Variants in LETM1 observed in about 807,000 individuals in gnomAD.
LETM1 encodes the protein mitochondrial proton/calcium exchanger protein.
LETM1 carries 50 observed loss-of-function variants against 74.5 expected under a neutral mutation model. The observed-to-expected ratio is 0.67, with a 90% CI of 0.53 to 0.85. The LOEUF is 0.85. LETM1 is among the 40% of genes least tolerant of loss of function. The pLI is 0.00. For synonymous variants in LETM1, 446 were observed against 407.1 expected, an observed-to-expected ratio of 1.10 and a Z score of -1.15; for missense variants, 824 against 967.8, an observed-to-expected ratio of 0.85 and a Z score of 1.97.
At chr4:1,847,938 G>A (rs1360116676) in intron 2 of LETM1, among the ~76,000 whole-genome samples, 1 of 151,496 alleles carries the variant, frequency 6.6e-6, no homozygotes, top group East Asian at 1.9e-4. Context: ...GGAGATTGCA[G>A]TGGGCAGAGA....
At chr4:1,819,685 A>G (rs1577310339) in intron 10 of LETM1, among the ~76,000 whole-genome samples, 1 of 152,090 alleles carries the variant, frequency 6.6e-6, no homozygotes, top group Non-Finnish European at 1.5e-5. Context: ...GCCAAACCCC[A>G]TTTGTTTAAA....
intron 6 of LETM1, among the ~76,000 whole-genome samples, chr4:1,828,039 A>AG (rs1384943233): frequency 2.3e-4 from 25 of 110,178 alleles, no homozygotes; most frequent in Non-Finnish European, 3.2e-4. Flanking sequence ...CTGGCCGGGC[A>AG]GGGGGGCTGA....
Position 1,841,768 on chromosome 4 carries a change from A to T in LETM1, c.173T>A (p.Ile58Asn). The T allele has an allele frequency of 6.2e-7, 1 of 1,613,636 alleles. No individual in the cohort carries two copies. Among genetic ancestry groups the T allele is most frequent in the Non-Finnish European group, 8.5e-7 (1 of 1,179,936 alleles). Residue 58 changes from isoleucine to asparagine, a missense_variant, in exon 3 of 14, where the codon ATC (isoleucine) becomes AAC (asparagine). Physicochemically the swap from Ile to Asn is moderately radical, Grantham distance 149. This residue lies in a region of LETM1 where 222 missense variants were observed against 195.6 expected (regional missense o/e 1.14). Coordinates refer to ENST00000302787, the MANE Select transcript of LETM1 (RefSeq NM_012318.3). ...TCTGGAGGATGTGTACACAGGGTGG[A>T]TGGGAGTGCAGCAGCCAAATGGAAC... ...LNVPFGCCTP[I>N]HPVYTSSRGD...
chr4:1,825,545 C>G lies in LETM1; in HGVS notation c.1200+19G>C, dbSNP rs1232987098. 7 of 1,598,018 alleles carry G rather than the reference C, an allele frequency of 4.4e-6. No individual in the cohort carries two copies. The highest frequency in any genetic ancestry group is 5.1e-6 in the Non-Finnish European group (6 of 1,167,504). ...CCTTGAGCCCGTGCCGGCCTGGCACCAGGCCAATATTCACGCACCTGCTTC... is the reference window on the plus strand; with the variant it reads ...CCTTGAGCCCGTGCCGGCCTGGCACGAGGCCAATATTCACGCACCTGCTTC... On this transcript the variant is annotated intron_variant, in intron 7 of 13. Transcript: ENST00000302787.
intron 2 of LETM1, chr4:1,843,244 C>A (rs1712765512): frequency 6.5e-6 from 1 of 152,904 alleles, no homozygotes. Flanking sequence ...CAGGACGGTA[C>A]CTGCAACATG....
intron 3 of LETM1, among the ~76,000 whole-genome samples, chr4:1,837,266 C>T (rs981040056): frequency 7.9e-5 from 12 of 152,240 alleles, no homozygotes; most frequent in African/African-American, 1.7e-4. Flanking sequence ...CCCAGGGAGA[C>T]GCCCTGAGAG....
Position 1,823,037 on chromosome 4 carries a change from A to C in LETM1, c.1427T>G (p.Ile476Ser). 1 of 1,608,312 alleles carries C rather than the reference A, an allele frequency of 6.2e-7. No homozygotes were observed. Among genetic ancestry groups the C allele is most frequent in the Non-Finnish European group, 8.5e-7 (1 of 1,176,914 alleles). The change falls in exon 9 of 14, where the codon ATC becomes AGC. Residue 476 changes from isoleucine (I) to serine (S), a missense_variant. Physicochemically the swap from Ile to Ser is moderately radical, Grantham distance 142. Coordinates refer to ENST00000302787, the MANE Select transcript of LETM1 (RefSeq NM_012318.3). ...LEATLQEEAA[I>S]QQEHREKELQ... is the part of the protein sequence containing the mutation. ...CTCCTTCTCACGGTGCTCCTGCTGG[A>C]TGGCCGCCTCCTCCTGCAGCGTGGC...
rs1560472039 is a variant in LETM1, at chr4:1,814,560, AC to A, written c.2083del (p.Val695TrpfsTer17). On this transcript the variant is annotated frameshift_variant, in exon 14 of 14. Transcript: ENST00000302787. LOFTEE classifies it high-confidence loss of function. ...GGAGATGTGAACATCTTCTTTGTCC[AC>A]CAGCTCAATCACCTACACACGTGGG... Reference protein sequence around the residue: ...IDDLVKVIELVDKEDVHISTS... With the variant: ...IDDLVKVIELXDKEDVHISTS... The A allele has an allele frequency of 1.9e-6, 3 of 1,613,398 alleles. No individual in the cohort carries two copies. The highest frequency in any genetic ancestry group is 1.7e-6 in the Non-Finnish European group (2 of 1,179,646).
chr4:1,850,519 G>C (rs1336795605), intron 1 of LETM1, among the ~76,000 whole-genome samples: 2 of 151,800 alleles, frequency 1.3e-5, no homozygotes, highest in Non-Finnish European at 2.9e-5. Flanking sequence ...ACTACAACCG[G>C]ACCGGGCGCA....
intron 3 of LETM1, among the ~76,000 whole-genome samples, chr4:1,838,389 C>A (rs538829513): frequency 2.6e-5 from 4 of 152,128 alleles, no homozygotes; most frequent in African/African-American, 9.6e-5. Flanking sequence ...TGAGCCACTG[C>A]GCCCGGCCAG....
In LETM1 at chr4:1,840,592, C is replaced by T. The variant is rs56824049; in HGVS notation, c.594+755G>A. Among the ~76,000 whole-genome samples the T allele has an allele frequency of 9.8e-3, 1,481 of 151,674 alleles. 19 individuals carry two copies. Among genetic ancestry groups the T allele is most frequent in the African/African-American group, 0.026 (1,064 of 41,344 alleles). The stretch of plus-strand genomic sequence containing the variant: ...TGAGGCAGGAGAATGGTGTGGACCC[C>T]GGGGGGCGGAGCCTGCAGCGAGCCG... On this transcript the variant is annotated intron_variant, in intron 3 of 13. Transcript: ENST00000302787.
At position 1,834,331 on chromosome 4, in the gene LETM1, C is replaced by T. The variant is rs977209391; in HGVS notation, c.876+514G>A. On this transcript the variant is annotated intron_variant, in intron 5 of 13. Transcript: ENST00000302787. The surrounding 1 kb of genome is among the most constrained non-coding windows in gnomAD (Gnocchi z 5.0). ...AACCCCATCTAGTCCTCAGGGATCT[C>T]GGTCCGTGGCAGCTGCCGTCTCCCC... 5.3e-6 allele frequency: 5 copies of T among 950,558 alleles called. No homozygotes were observed. Among genetic ancestry groups the T allele is most frequent in the East Asian group, 2.3e-4 (2 of 8,638 alleles). 58.9% of individuals were successfully genotyped at this position (950,558 alleles called of 1,614,324 possible).
rs760318634 is a variant in LETM1, at chr4:1,841,843, C to G, written c.144-46G>C. 28 of 1,411,464 alleles carry G rather than the reference C, an allele frequency of 2.0e-5. No individual in the cohort carries two copies. The Middle Eastern group carries it at 5.3e-4, about 27-fold the overall frequency. 87.4% of individuals were successfully genotyped at this position (1,411,464 alleles called of 1,614,324 possible). On this transcript the variant is annotated intron_variant, in intron 2 of 13. Transcript: ENST00000302787. ...AAACAGTAGTAAGAGCCAGCACTAGCCTTTGACAGCTCAGCACCGAACACC... is the reference window on the plus strand; with the variant it reads ...AAACAGTAGTAAGAGCCAGCACTAGGCTTTGACAGCTCAGCACCGAACACC...
At position 1,836,667 on chromosome 4, in the gene LETM1, A is replaced by T; in HGVS notation, c.595-95T>A. 1 of 1,384,684 alleles carries T rather than the reference A, an allele frequency of 7.2e-7. No individual in the cohort carries two copies. The highest frequency in any genetic ancestry group is 1.2e-5 in the South Asian group (1 of 81,408). The allele number at this position is 1,384,684 out of a possible 1,614,324, so 85.8% of individuals were successfully genotyped here. On this transcript the variant is annotated intron_variant, in intron 3 of 13. Coordinates refer to ENST00000302787, the MANE Select transcript of LETM1 (RefSeq NM_012318.3). This position sits in a 1 kb window ranked among gnomAD's most constrained non-coding sequence, Gnocchi z 5.8. ...TTCTCCTATAATGGTTTATAGGCAC[A>T]ACCTCAGGCAGCGACTCACAGGACC... is the stretch of plus-strand genomic sequence containing the variant.
chr4:1,834,970 T>C lies in LETM1; in HGVS notation c.751A>G (p.Lys251Glu). 6 of 1,614,018 alleles carry C rather than the reference T, an allele frequency of 3.7e-6. No homozygotes were observed. The highest frequency in any genetic ancestry group is 1.3e-5 in the African/African-American group (1 of 75,048). Residue 251 changes from lysine (K) to glutamate (E), a missense_variant, in exon 5 of 14, where the codon AAG (lysine) becomes GAG (glutamate). Around this residue, in one of 4 missense-constraint regions of LETM1, gnomAD observed 269 missense variants for 348.8 expected, o/e 0.77. Transcript: ENST00000302787. The surrounding 1 kb of genome is among the most constrained non-coding windows in gnomAD (Gnocchi z 5.0). The stretch of plus-strand genomic sequence containing the variant: ...TCCAGCTTGACCCGAAGCTCCTTCT[T>C]CAGCCTCTCCTCCTGCAAGGGCAGA... Reference protein sequence around the residue: ...ETQSLKEERLKKELRVKLELA... With the variant: ...ETQSLKEERLEKELRVKLELA...
chr4:1,855,391 A>G (rs1713203142), intron 1 of LETM1, among the ~76,000 whole-genome samples: 1 of 152,070 alleles, frequency 6.6e-6, no homozygotes, highest in Non-Finnish European at 1.5e-5. Flanking sequence ...TAATCACACC[A>G]CAGGGGTTTG....
intron 1 of LETM1, among the ~76,000 whole-genome samples, chr4:1,852,461 T>C (rs56822837): frequency 0.042 from 6,347 of 152,250 alleles, 353 homozygotes; most frequent in African/African-American, 0.13. Context: ...ATTACAGTAT[T>C]GGCCCACTGG....
Position 1,814,190 on chromosome 4 carries a change from C to T in LETM1, c.*234G>A, listed in dbSNP as rs1307076539. ...TGCCTCTGGAGCCAGGAGGCCGTGG[C>T]AGCCACACCACAGTGTGGATCCAGA... On this transcript the variant is annotated 3_prime_UTR_variant, in exon 14 of 14. Transcript: ENST00000302787. The T allele has an allele frequency of 3.0e-6, 2 of 658,476 alleles. No homozygotes were observed. The highest frequency in any genetic ancestry group is 3.1e-5 in the East Asian group (1 of 32,306). The allele number at this position is 658,476 out of a possible 1,614,324, so 40.8% of individuals were successfully genotyped here.
chr4:1,828,551 C>T (rs1194920423), intron 6 of LETM1, among the ~76,000 whole-genome samples: 1 of 49,992 alleles, frequency 2.0e-5, no homozygotes. Flanking sequence ...GCTGGCCGGG[C>T]GGGGGCTGAC....
Sources: gnomAD v4.1 joint callset for allele counts (sites outside exome capture counted in the v4.1 genomes callset) on GRCh38, gnomAD v4.1.1 for gene constraint, gnomAD v4.1.1 regional missense constraint, Gnocchi (gnomAD v3.1) non-coding constraint, MANE v1.5 for transcripts, NCBI Gene and HGNC (gene_info 2026-07-23, HGNC 2026-07-21) for gene names.